OTOF: variants seen among roughly 807,000 people sequenced by gnomAD.
The protein encoded by OTOF is otoferlin, also known as fer-1-like family member 2.
Under a neutral mutation model 236.8 loss-of-function variants are expected in OTOF, and 218 were observed. The observed-to-expected ratio is 0.92, with a 90% confidence interval of 0.82 to 1.03. The LOEUF (loss-of-function observed/expected upper bound fraction) is 1.03. OTOF is among the 50% of genes least tolerant of loss of function. OTOF has a pLI of 0.00. For synonymous variants in OTOF, 1,041 were observed against 1,072.5 expected, an observed-to-expected ratio of 0.97 and a Z score of 0.57; for missense variants, 2,590 against 2,694.4, an observed-to-expected ratio of 0.96 and a Z score of 0.86.
chr2:26,525,935 A>G (rs1426850566), intron 3 of OTOF, among the ~76,000 whole-genome samples: 1 of 151,996 alleles, frequency 6.6e-6, no homozygotes, highest in Non-Finnish European at 1.5e-5. Flanking sequence ...AAAAATACAA[A>G]AATTAGCTGG....
At chr2:26,546,385 C>T (rs549697802) in intron 1 of OTOF, among the ~76,000 whole-genome samples, 15 of 151,594 alleles carry the variant, frequency 9.9e-5, no homozygotes, top group Admixed American at 7.9e-4. Context: ...CGCTTGAACC[C>T]GGGAGGTGGA....
chr2:26,557,290 T>TCACCACCTC (rs1296439657), intron 1 of OTOF, among the ~76,000 whole-genome samples: 11 of 152,164 alleles, frequency 7.2e-5, no homozygotes, highest in African/African-American at 2.7e-4. Context: ...GGGTCCTCTC[T>TCACCACCTC]GCCCCCTTCT....
intron 3 of OTOF, among the ~76,000 whole-genome samples, chr2:26,524,864 G>A (rs35960101): frequency 0.26 from 39,583 of 152,152 alleles, 6,443 homozygotes; most frequent in East Asian, 0.55. Context: ...TGCACAGCTA[G>A]GGCTGTAGTG....
Position 26,482,538 on chromosome 2 carries a change from C to T in OTOF, c.1447G>A (p.Val483Ile), listed in dbSNP as rs777361556. 1.1e-5 allele frequency: 17 copies of T among 1,613,290 alleles called. No individual in the cohort carries two copies. The highest frequency in any genetic ancestry group is 8.0e-5 in the African/African-American group (6 of 74,938). The change falls in exon 14 of 47, where the codon GTC (valine) becomes ATC (isoleucine). Residue 483 changes from valine (V) to isoleucine (I), a missense_variant. Physicochemically the swap from Val to Ile is conservative, Grantham distance 29. Around this residue, in one of 2 missense-constraint regions of OTOF, gnomAD observed 1,379 missense variants for 1,341.6 expected, o/e 1.03. Transcript: ENST00000272371. ...SYEPLWNEQV[V>I]FTDLFPPLCK... The stretch of plus-strand genomic sequence containing the variant: ...AGTGGGGGGAAGAGGTCTGTAAAGA[C>T]GACCTGCTCATTCCACAGGGGCTCA...
chr2:26,460,323 C>T lies in OTOF; in HGVS notation c.5814-118G>A. The T allele has an allele frequency of 2.4e-6, 2 of 847,618 alleles. No homozygotes were observed. The highest frequency in any genetic ancestry group is 3.1e-5 in the South Asian group (2 of 64,180). The allele number at this position is 847,618 out of a possible 1,614,324, so 52.5% of individuals were successfully genotyped here. A position where few individuals can be genotyped will look rare whatever the true frequency, so the allele number is the denominator to read the frequency against. ...TGGGCTGTGTGTGCAGTTCTAGGCACCCCTCTGGCCATCAAGGCTGGCCAT... is the reference window on the plus strand; with the variant it reads ...TGGGCTGTGTGTGCAGTTCTAGGCATCCCTCTGGCCATCAAGGCTGGCCAT... On this transcript the variant is annotated intron_variant, in intron 45 of 46. Coordinates refer to ENST00000272371, the MANE Select transcript of OTOF (RefSeq NM_194248.3). This position sits in a 1 kb window ranked among gnomAD's most constrained non-coding sequence, Gnocchi z 5.3.
intron 1 of OTOF, among the ~76,000 whole-genome samples, chr2:26,540,603 C>T (rs1367937904): frequency 6.6e-6 from 1 of 152,086 alleles, no homozygotes; most frequent in Non-Finnish European, 1.5e-5. Flanking sequence ...CTTTTATGAC[C>T]CAGGAGCTAG....
Position 26,474,037 on chromosome 2 carries a change from G to A in OTOF, c.3362C>T (p.Pro1121Leu), listed in dbSNP as rs779205233. 2.5e-6 allele frequency: 4 copies of A among 1,613,006 alleles called. No individual in the cohort carries two copies. The South Asian group carries it at 4.4e-5, about 18-fold the overall frequency. Residue 1121 changes from proline to leucine, a missense_variant, in exon 27 of 47, where the codon CCC (proline) becomes CTC (leucine). By Grantham distance (98) the Pro-to-Leu change is moderately conservative (BLOSUM62 -3). Transcript: ENST00000272371. Reference protein sequence around the residue: ...PVDVDRGPIMPVPMGIRPVLS... With the variant: ...PVDVDRGPIMLVPMGIRPVLS... Reference sequence around the variant, plus strand: ...CACGGGCCGGATGCCCATGGGCACGGGCATGATGGGACCTCGGTCCACGTC... The same window carrying A: ...CACGGGCCGGATGCCCATGGGCACGAGCATGATGGGACCTCGGTCCACGTC...
chr2:26,477,742 C>G lies in OTOF; in HGVS notation c.2222G>C (p.Gly741Ala). Reference sequence around the variant, plus strand: ...GATCATCTCCTGTATGTCGTTCAGGCCTTCTTCCTGTGAATCAGGAGTGTG... The same window carrying G: ...GATCATCTCCTGTATGTCGTTCAGGGCTTCTTCCTGTGAATCAGGAGTGTG... Reference protein sequence around the residue: ...MDHIADKLEEGLNDIQEMIKT... With the variant: ...MDHIADKLEEALNDIQEMIKT... The change falls in exon 19 of 47, where the codon GGC becomes GCC. Residue 741 changes from glycine to alanine, a missense_variant. Transcript: ENST00000272371. The surrounding 1 kb of genome is among the most constrained non-coding windows in gnomAD (Gnocchi z 4.7). 1.9e-6 allele frequency: 3 copies of G among 1,612,704 alleles called. No homozygotes were observed. The highest frequency in any genetic ancestry group is 2.5e-6 in the Non-Finnish European group (3 of 1,179,928).
chr2:26,503,686 CT>C, intron 6 of OTOF, 85 bp downstream of exon 6: 2 of 1,240,946 alleles, frequency 1.6e-6, no homozygotes, highest in Non-Finnish European at 2.4e-6. Flanking sequence ...CCAGGAGGGC[CT>C]TTTGGCAGCC....
At chr2:26,541,580 G>A (rs547968988) in intron 1 of OTOF, among the ~76,000 whole-genome samples, 1 of 152,314 alleles carries the variant, frequency 6.6e-6, no homozygotes, top group African/African-American at 2.4e-5. Context: ...AAGTGGTTCT[G>A]TTCTGTTCAC....
intron 2 of OTOF, among the ~76,000 whole-genome samples, chr2:26,529,873 C>T (rs986436426): frequency 8.9e-5 from 6 of 67,230 alleles, no homozygotes; most frequent in Non-Finnish European, 2.8e-4. Flanking sequence ...CGGAGGGGTG[C>T]GCTGAGAGTC....
intron 30 of OTOF, 186 bp downstream of exon 30, chr2:26,472,333 G>A (rs1459413268): frequency 2.8e-6 from 2 of 726,000 alleles, no homozygotes; most frequent in Non-Finnish European, 5.0e-6. Context: ...ACGCACGCGT[G>A]TGCATTCCAG....
chr2:26,521,006 A>G (rs1427681719), intron 3 of OTOF, among the ~76,000 whole-genome samples: 1 of 152,196 alleles, frequency 6.6e-6, no homozygotes, highest in Non-Finnish European at 1.5e-5. Context: ...TTTCTGAGAT[A>G]TAAATACTCC....
intron 9 of OTOF, among the ~76,000 whole-genome samples, chr2:26,491,934 T>C (rs1433302566): frequency 1.3e-5 from 2 of 152,246 alleles, no homozygotes; most frequent in Non-Finnish European, 2.9e-5. Context: ...TTGTAATAGC[T>C]TAGATACCTA....
rs370643920 is a variant in OTOF at position 26,519,005 on chromosome 2, C to A, written c.327+5G>T. On this transcript the variant is annotated splice_donor_5th_base_variant and intron_variant, in intron 4 of 46. Transcript: ENST00000272371. Reference sequence around the variant, plus strand: ...AAGTCCAGGAACTCCGTGGGGCATACCCACCTTGATGATAGCATTGTTGTC... The same window carrying A: ...AAGTCCAGGAACTCCGTGGGGCATAACCACCTTGATGATAGCATTGTTGTC... The A allele has an allele frequency of 3.1e-4, 504 of 1,600,210 alleles. No individual in the cohort carries two copies. The highest frequency in any genetic ancestry group is 3.4e-4 in the Non-Finnish European group (392 of 1,170,082).
chr2:26,540,459 C>T (rs752779559), intron 1 of OTOF, among the ~76,000 whole-genome samples: 4 of 152,182 alleles, frequency 2.6e-5, no homozygotes, highest in Non-Finnish European at 5.9e-5. Flanking sequence ...TCTGAACCTT[C>T]CCTGTGATGG....
Position 26,467,463 on chromosome 2 carries a change from C to G in OTOF, c.4129G>C (p.Ala1377Pro). ...GSMKGKEKAR[A>P]AKEEKKKKTQ... ...TTCTTCTTCTTCTCCTCTTTGGCAG[C>G]CCTTGCCTTCTCCTTGCCCTTCATT... The change falls in exon 34 of 47, where the codon GCT (alanine) becomes CCT (proline). Residue 1377 changes from alanine to proline, a missense_variant. Transcript: ENST00000272371. The G allele has an allele frequency of 6.2e-7, 1 of 1,614,096 alleles. No individual in the cohort carries two copies. The highest frequency in any genetic ancestry group is 8.5e-7 in the Non-Finnish European group (1 of 1,180,010).
intron 3 of OTOF, among the ~76,000 whole-genome samples, chr2:26,524,572 G>A (rs777454541): frequency 6.6e-6 from 1 of 152,114 alleles, no homozygotes; most frequent in Non-Finnish European, 1.5e-5. Context: ...TCACTGCATG[G>A]GAGTCAATTT....
At chr2:26,531,776 T>C (rs919257315) in intron 2 of OTOF, among the ~76,000 whole-genome samples, 1 of 151,906 alleles carries the variant, frequency 6.6e-6, no homozygotes, top group Admixed American at 6.6e-5. Context: ...CTGACTATGG[T>C]ATTGAACTTG....
Sources: gnomAD v4.1 joint callset for allele counts (sites outside exome capture counted in the v4.1 genomes callset) on GRCh38, gnomAD v4.1.1 for gene constraint, gnomAD v4.1.1 regional missense constraint, Gnocchi (gnomAD v3.1) non-coding constraint, MANE v1.5 for transcripts, NCBI Gene and HGNC (gene_info 2026-07-23, HGNC 2026-07-21) for gene names.